Variants in ANKRD11 observed in about 807,000 individuals in gnomAD.
The protein encoded by ANKRD11 is ankyrin repeat domain-containing protein 11.
In ANKRD11, 17 loss-of-function variants were observed where a neutral mutation model predicts 195.7. That is an observed-to-expected ratio of 0.09 (90% confidence interval 0.06 to 0.13). The LOEUF is 0.13. Ranked by LOEUF, ANKRD11 falls within the 10% of genes least tolerant of loss-of-function variation. The probability of loss-of-function intolerance (pLI) is 1.00; values close to 1 mark genes in which losing one functional copy is unlikely to be tolerated. For synonymous variants in ANKRD11, 1,953 were observed against 1,528.1 expected (o/e 1.28, Z -6.49); for missense variants, 3,735 against 3,566.1 (o/e 1.05, Z -1.21).
chr16:89,478,936 T>C (rs2057348165), intron 1 of ANKRD11, among the ~76,000 whole-genome samples: 1 of 152,218 alleles, frequency 6.6e-6, no homozygotes, highest in Non-Finnish European at 1.5e-5. Context: ...GTTGGGTGTG[T>C]AAATAATGAC....
chr16:89,385,474 A>C (rs550084451), intron 2 of ANKRD11, among the ~76,000 whole-genome samples: 45 of 152,152 alleles, frequency 3.0e-4, no homozygotes, highest in Non-Finnish European at 5.1e-4. Context: ...CCCGTCCACA[A>C]GCCAGCACCG....
At position 89,279,849 on chromosome 16, in the gene ANKRD11, G is replaced by A. The variant is rs763625090; in HGVS notation, c.6693C>T (p.Ala2231=). The A allele has an allele frequency of 6.4e-7, 1 of 1,551,506 alleles. No individual in the cohort carries two copies. The highest frequency in any genetic ancestry group is 2.4e-5 in the East Asian group (1 of 41,398). The change falls in exon 9 of 13, where the codon GCC becomes GCT. Residue 2231 remains alanine, a synonymous_variant. Transcript: ENST00000301030. The surrounding 1 kb of genome is among the most constrained non-coding windows in gnomAD (Gnocchi z 5.6). ...CCACGCTGGAGTCCGGATCCCCACG[G>A]GCCCTCTCTTCCGGCACCGTCTCCG... The part of the protein sequence containing the change: ...VEAETVPEER[A]RGDPDSSVEP...
intron 9 of ANKRD11, chr16:89,278,608 C>A (rs570126494): frequency 6.5e-6 from 3 of 458,572 alleles, no homozygotes; most frequent in South Asian, 3.1e-5. Flanking sequence ...GTCCCAGAAG[C>A]CCAAGGGAGG....
chr16:89,351,050 T>A (rs1310782307), intron 2 of ANKRD11, among the ~76,000 whole-genome samples: 2 of 152,112 alleles, frequency 1.3e-5, no homozygotes, highest in Non-Finnish European at 2.9e-5. Context: ...TCAGGATGCA[T>A]CCCCCGACCG....
At position 89,283,803 on chromosome 16, in the gene ANKRD11, C is replaced by G; in HGVS notation, c.2739G>C (p.Leu913Phe). 4 of 1,613,570 alleles carry G rather than the reference C, an allele frequency of 2.5e-6. No homozygotes were observed. The highest frequency in any genetic ancestry group is 3.4e-6 in the Non-Finnish European group (4 of 1,179,756). The change falls in exon 9 of 13, where the codon TTG becomes TTC. Residue 913 changes from leucine to phenylalanine, a missense_variant. Physicochemically the swap from Leu to Phe is conservative, Grantham distance 22 (BLOSUM62 0). Coordinates refer to ENST00000301030, the MANE Select transcript of ANKRD11 (RefSeq NM_013275.6). The surrounding 1 kb of genome is among the most constrained non-coding windows in gnomAD (Gnocchi z 4.3). ...PFFRKKDRDYLDKNSEKRKEQ... is the reference protein window; with the variant it reads ...PFFRKKDRDYFDKNSEKRKEQ... The stretch of plus-strand genomic sequence containing the variant: ...CTTTCCTCTTCTCAGAGTTTTTATC[C>G]AAATAGTCCCTGTCCTTCTTTCGGA...
At chr16:89,451,411 C>CTT (rs66712285) in intron 1 of ANKRD11, among the ~76,000 whole-genome samples, 4,406 of 130,122 alleles carry the variant, frequency 0.034, 309 homozygotes, top group African/African-American at 0.11. Flanking sequence ...TCACAAATTA[C>CTT]TTTTTTTTTT....
At chr16:89,276,001 G>C (rs570202625) in intron 9 of ANKRD11, among the ~76,000 whole-genome samples, 1 of 152,210 alleles carries the variant, frequency 6.6e-6, no homozygotes, top group Non-Finnish European at 1.5e-5. Flanking sequence ...CGGGGCCACA[G>C]CAGTCGTACC....
At chr16:89,363,255 C>T (rs1170285943) in intron 2 of ANKRD11, among the ~76,000 whole-genome samples, 1 of 152,142 alleles carries the variant, frequency 6.6e-6, no homozygotes, top group Non-Finnish European at 1.5e-5. Flanking sequence ...CTATACTCTG[C>T]CTTCTGAAGC....
intron 2 of ANKRD11, among the ~76,000 whole-genome samples, chr16:89,391,227 C>CAAAAA (rs35753411): frequency 1.0e-5 from 1 of 95,338 alleles, no homozygotes; most frequent in African/African-American, 3.8e-5. Context: ...GACTCTGTCT[C>CAAAAA]AAAAAAAAAA....
intron 1 of ANKRD11, among the ~76,000 whole-genome samples, chr16:89,461,272 G>A (rs2056658598): frequency 6.6e-6 from 1 of 151,438 alleles, no homozygotes; most frequent in Admixed American, 6.6e-5. Context: ...GGAGAGTCGA[G>A]GTTATGGGGA....
chr16:89,432,623 C>A (rs1041735453), intron 1 of ANKRD11, among the ~76,000 whole-genome samples: 1 of 152,074 alleles, frequency 6.6e-6, no homozygotes, highest in Non-Finnish European at 1.5e-5. Flanking sequence ...AAATTCTCTA[C>A]GGAGATATGT....
chr16:89,457,557 C>T (rs1159921190), intron 1 of ANKRD11, among the ~76,000 whole-genome samples: 7 of 146,082 alleles, frequency 4.8e-5, no homozygotes, highest in Non-Finnish European at 1.0e-4. Flanking sequence ...GAGATCGCGC[C>T]ACTGCACTCC....
intron 2 of ANKRD11, among the ~76,000 whole-genome samples, chr16:89,347,425 C>T (rs546034468): frequency 6.6e-6 from 1 of 152,092 alleles, no homozygotes; most frequent in African/African-American, 2.4e-5. Context: ...CTGGCTAGCA[C>T]GGTGAAACCC....
At chr16:89,374,617 G>T (rs1185464727) in intron 2 of ANKRD11, among the ~76,000 whole-genome samples, 1 of 152,222 alleles carries the variant, frequency 6.6e-6, no homozygotes, top group South Asian at 2.1e-4. Context: ...GAGAGCTGTG[G>T]GAACAGCTGC....
intron 2 of ANKRD11, among the ~76,000 whole-genome samples, chr16:89,378,665 T>C (rs2040520639): frequency 6.6e-6 from 1 of 152,172 alleles, no homozygotes; most frequent in Admixed American, 6.5e-5. Context: ...CAAAGATTTC[T>C]GCCTCCTGGG....
chr16:89,387,025 T>G (rs187796639), intron 2 of ANKRD11, among the ~76,000 whole-genome samples: 240 of 151,656 alleles, frequency 1.6e-3, no homozygotes, highest in Middle Eastern at 0.01. Flanking sequence ...CCGCCCGTGG[T>G]GACAGGCCAG....
intron 1 of ANKRD11, among the ~76,000 whole-genome samples, chr16:89,457,727 G>A (rs1472089369): frequency 6.6e-6 from 1 of 152,120 alleles, no homozygotes; most frequent in Non-Finnish European, 1.5e-5. Context: ...TGCGGTGATG[G>A]AAATGTCTGT....
chr16:89,380,648 G>A (rs2040603406), intron 2 of ANKRD11, among the ~76,000 whole-genome samples: 1 of 152,204 alleles, frequency 6.6e-6, no homozygotes, highest in Non-Finnish European at 1.5e-5. Flanking sequence ...TAGGAGACAG[G>A]CTTCTAGATC....
intron 2 of ANKRD11, among the ~76,000 whole-genome samples, chr16:89,365,548 C>A (rs1338307258): frequency 1.3e-5 from 2 of 152,188 alleles, no homozygotes; most frequent in African/African-American, 4.8e-5. Context: ...CTGAAACTCG[C>A]TTTCAAAATA....
Sources: gnomAD v4.1 joint callset for allele counts (sites outside exome capture counted in the v4.1 genomes callset) on GRCh38, gnomAD v4.1.1 for gene constraint, Gnocchi (gnomAD v3.1) non-coding constraint, MANE v1.5 for transcripts, NCBI Gene and HGNC (gene_info 2026-07-23, HGNC 2026-07-21) for gene names.